HPCAL1: variants seen among roughly 807,000 people sequenced by gnomAD.
HPCAL1 encodes the protein hippocalcin like 1.
Under a neutral mutation model 17.1 loss-of-function variants are expected in HPCAL1, and 8 were observed. The ratio of observed to expected loss-of-function variants is 0.47; its 90% CI spans 0.27 to 0.84. The LOEUF (loss-of-function observed/expected upper bound fraction) is 0.84. HPCAL1 is among the 40% of genes least tolerant of loss of function. HPCAL1 has a pLI of 0.13. For missense variants in HPCAL1, 165 were observed against 271.1 expected, an observed-to-expected ratio of 0.61 and a Z score of 2.75; for synonymous variants, 112 against 111.4, an observed-to-expected ratio of 1.01 and a Z score of -0.03.
Position 10,343,286 on chromosome 2 carries a change from C to T in HPCAL1, c.-111+40109C>T, listed in dbSNP as rs1013057470. 2.0e-5 allele frequency among the ~76,000 whole-genome samples: 3 copies of T among 152,230 alleles called. No individual in the cohort carries two copies. The highest frequency in any genetic ancestry group is 4.4e-5 in the Non-Finnish European group (3 of 68,048). ...ACACCACATTCAAATTACTTATCTC[C>T]TCTTCCCCTGCCACTCTGCTGAGAA... is the stretch of plus-strand genomic sequence containing the variant. On this transcript the variant is annotated intron_variant, in intron 1 of 4. Transcript: ENST00000307845. This position sits in a 1 kb window ranked among gnomAD's most constrained non-coding sequence, Gnocchi z 4.8.
chr2:10,357,181 C>T (rs1415346844), intron 1 of HPCAL1, among the ~76,000 whole-genome samples: 1 of 152,152 alleles, frequency 6.6e-6, no homozygotes, highest in African/African-American at 2.4e-5. Flanking sequence ...AGGGCCTGTG[C>T]TCTCCTTTTG....
In HPCAL1 at chr2:10,323,072, C is replaced by T. The variant is rs1663777385; in HGVS notation, c.-111+19895C>T. ...GGTGGGCATCAGGATTCAGCTATCCCAGGCTGACCCTGAGGTCCACCATGA... is the reference window on the plus strand; with the variant it reads ...GGTGGGCATCAGGATTCAGCTATCCTAGGCTGACCCTGAGGTCCACCATGA... On this transcript the variant is annotated intron_variant, in intron 1 of 4. Transcript: ENST00000307845. The surrounding 1 kb of genome is among the most constrained non-coding windows in gnomAD (Gnocchi z 4.6). Among the ~76,000 whole-genome samples the T allele has an allele frequency of 6.6e-6, 1 of 152,178 alleles. No homozygotes were observed. The highest frequency in any genetic ancestry group is 6.5e-5 in the Admixed American group (1 of 15,278).
chr2:10,353,078 A>C (rs186259945), intron 1 of HPCAL1, among the ~76,000 whole-genome samples: 1 of 152,322 alleles, frequency 6.6e-6, no homozygotes, highest in African/African-American at 2.4e-5. Context: ...CAGTGTCCTA[A>C]GCTGGCAGGC....
intron 1 of HPCAL1, among the ~76,000 whole-genome samples, chr2:10,313,830 G>A (rs1395509137): frequency 6.6e-6 from 1 of 152,170 alleles, no homozygotes; most frequent in Non-Finnish European, 1.5e-5. Flanking sequence ...TAAATTGACT[G>A]CAAAAAAATG....
intron 1 of HPCAL1, among the ~76,000 whole-genome samples, chr2:10,309,958 T>A (rs1284557128): frequency 6.6e-6 from 1 of 152,146 alleles, no homozygotes; most frequent in African/African-American, 2.4e-5. Context: ...ACCAAGACAT[T>A]CTTGAATCGG....
chr2:10,400,315 G>A (rs1328403427), intron 2 of HPCAL1, among the ~76,000 whole-genome samples: 1 of 152,210 alleles, frequency 6.6e-6, no homozygotes, highest in Admixed American at 6.5e-5. Flanking sequence ...CCCACCATAC[G>A]GCAGCCCTCT....
chr2:10,410,436 C>CT (rs36002921), intron 2 of HPCAL1, among the ~76,000 whole-genome samples: 30,336 of 76,462 alleles, frequency 0.4, 7,997 homozygotes, highest in East Asian at 0.73. Flanking sequence ...TCTTCTTCTT[C>CT]TTTTTTTTTT....
rs2125370952 is a variant in HPCAL1 at position 10,304,837 on chromosome 2, C to T, written c.-111+1660C>T. On this transcript the variant is annotated intron_variant, in intron 1 of 4. Coordinates refer to ENST00000307845, the MANE Select transcript of HPCAL1 (RefSeq NM_002149.4). This position sits in a 1 kb window ranked among gnomAD's most constrained non-coding sequence, Gnocchi z 4.1. ...GCCAAGATCTCACCAGTGCAGGAGGCTCTCAAAATGGAGCGCCGGCATGGG... is the reference window on the plus strand; with the variant it reads ...GCCAAGATCTCACCAGTGCAGGAGGTTCTCAAAATGGAGCGCCGGCATGGG... Among the ~76,000 whole-genome samples, 1 of 152,334 alleles carries T rather than the reference C, an allele frequency of 6.6e-6. No homozygotes were observed. The highest frequency in any genetic ancestry group is 1.9e-4 in the East Asian group (1 of 5,178).
chr2:10,324,964 A>C (rs999001865), intron 1 of HPCAL1, among the ~76,000 whole-genome samples: 6 of 150,178 alleles, frequency 4.0e-5, no homozygotes, highest in Non-Finnish European at 8.9e-5. Flanking sequence ...CTGGGATTGC[A>C]GGCCTGCACC....
intron 1 of HPCAL1, among the ~76,000 whole-genome samples, chr2:10,318,993 C>T (rs903048712): frequency 6.6e-6 from 1 of 152,164 alleles, no homozygotes; most frequent in African/African-American, 2.4e-5. Flanking sequence ...ATGGGAATTC[C>T]ACAGCCTCCC....
At chr2:10,409,906 C>T (rs1289070273) in intron 2 of HPCAL1, among the ~76,000 whole-genome samples, 2 of 149,250 alleles carry the variant, frequency 1.3e-5, no homozygotes, top group African/African-American at 4.9e-5. Context: ...TCTCCCGTCT[C>T]AACCTCCCGA....
chr2:10,332,488 G>C (rs1056884790), intron 1 of HPCAL1, among the ~76,000 whole-genome samples: 9 of 152,320 alleles, frequency 5.9e-5, no homozygotes, highest in African/African-American at 1.7e-4. Flanking sequence ...GGGTGGGCAA[G>C]GCAGGGTGGG....
intron 1 of HPCAL1, among the ~76,000 whole-genome samples, chr2:10,353,878 T>C (rs1253440776): frequency 6.6e-6 from 1 of 152,226 alleles, no homozygotes; most frequent in Non-Finnish European, 1.5e-5. Context: ...AAAATTTTAT[T>C]GGAACAGCTA....
At chr2:10,369,757 AAAT>A (rs749138887) in intron 1 of HPCAL1, among the ~76,000 whole-genome samples, 21 of 152,326 alleles carry the variant, frequency 1.4e-4, no homozygotes, top group Non-Finnish European at 2.6e-4. Context: ...CTTATTAATC[AAAT>A]AATAATGAAT....
chr2:10,318,391 C>T (rs1663455363), intron 1 of HPCAL1, among the ~76,000 whole-genome samples: 2 of 150,984 alleles, frequency 1.3e-5, no homozygotes, highest in African/African-American at 2.4e-5. Flanking sequence ...CACTCTTTCT[C>T]TCCCTTCTTT....
chr2:10,388,040 C>T (rs1558508329), intron 1 of HPCAL1, among the ~76,000 whole-genome samples: 1 of 152,308 alleles, frequency 6.6e-6, no homozygotes, highest in South Asian at 2.1e-4. Context: ...CCATGGGACC[C>T]TCAGCCCCCA....
intron 1 of HPCAL1, among the ~76,000 whole-genome samples, chr2:10,351,278 AT>A (rs1307408194): frequency 6.6e-6 from 1 of 152,250 alleles, no homozygotes; most frequent in Admixed American, 6.5e-5. Flanking sequence ...TTGAAAAGAT[AT>A]GCTAAGTGAA....
At chr2:10,338,553 G>A (rs111602427) in intron 1 of HPCAL1, among the ~76,000 whole-genome samples, 3 of 152,104 alleles carry the variant, frequency 2.0e-5, no homozygotes, top group Non-Finnish European at 4.4e-5. Flanking sequence ...GTCACGGAGC[G>A]GGACCTGTGA....
intron 1 of HPCAL1, among the ~76,000 whole-genome samples, chr2:10,316,838 T>C (rs1043000864): frequency 1.3e-5 from 2 of 152,252 alleles, no homozygotes; most frequent in African/African-American, 2.4e-5. Context: ...TATAGTCTAC[T>C]GTTCATATTT....
Sources: allele counts gnomAD v4.1 joint callset (sites outside exome capture counted in the v4.1 genomes callset), GRCh38; gene constraint gnomAD v4.1.1; non-coding constraint Gnocchi (gnomAD v3.1); transcripts MANE v1.5; gene names NCBI Gene and HGNC (gene_info 2026-07-23, HGNC 2026-07-21).